TMEM245: variants seen among roughly 807,000 people sequenced by gnomAD.
TMEM245 encodes protein CG-2.
Under a neutral mutation model 101.2 loss-of-function variants are expected in TMEM245, and 69 were observed. The observed-to-expected ratio is 0.68, with a 90% CI of 0.56 to 0.83. The LOEUF (loss-of-function observed/expected upper bound fraction) is 0.83. Ranked by LOEUF, TMEM245 falls within the 40% of genes least tolerant of loss-of-function variation. The pLI, the probability that TMEM245 is intolerant of heterozygous loss-of-function variation, is 0.00. For synonymous variants in TMEM245, 537 were observed against 449.8 expected (o/e 1.19, Z -2.45); for missense variants, 1,075 against 1,092.8 (o/e 0.98, Z 0.23).
chr9:109,093,488 G>A lies in TMEM245; in HGVS notation c.903C>T (p.Ser301=). ...GYESSSEDQP[S]TQPAEAVDRG... ...AACATCAGTCACCTGCAGGCTGAGT[G>A]GAGGGCTGGTCTTCACTGCTTGATT... The change falls in exon 4 of 18, where the codon TCC becomes TCT. Residue 301 remains serine, a synonymous_variant. Transcript: ENST00000374586. The A allele has an allele frequency of 6.2e-7, 1 of 1,613,310 alleles. No homozygotes were observed. Among genetic ancestry groups the A allele is most frequent in the Non-Finnish European group, 8.5e-7 (1 of 1,179,716 alleles).
At chr9:109,063,353 C>A (rs564463402) in intron 10 of TMEM245, among the ~76,000 whole-genome samples, 1 of 152,160 alleles carries the variant, frequency 6.6e-6, no homozygotes, top group African/African-American at 2.4e-5. Context: ...CTCTTGACCC[C>A]ATGATCCGCC....
intron 3 of TMEM245, among the ~76,000 whole-genome samples, chr9:109,102,478 C>T (rs1373718440): frequency 2.0e-5 from 3 of 152,172 alleles, no homozygotes; most frequent in East Asian, 3.9e-4. Flanking sequence ...GTACCACAAA[C>T]AGCCTCATGA....
intron 3 of TMEM245, among the ~76,000 whole-genome samples, chr9:109,105,911 T>C (rs934651823): frequency 1.1e-4 from 16 of 152,212 alleles, no homozygotes; most frequent in Admixed American, 1.0e-3. Context: ...TAGCAGGGAC[T>C]ACAGGCACAT....
At chr9:109,091,177 C>T (rs763001715) in intron 4 of TMEM245, 22 bp from the exon 5 acceptor site, 4 of 1,594,174 alleles carry the variant, frequency 2.5e-6, no homozygotes, top group Non-Finnish European at 3.4e-6. Flanking sequence ...AAGAAAAACA[C>T]CACACACCGC....
chr9:109,113,082 GC>G (rs1830612802), intron 1 of TMEM245, among the ~76,000 whole-genome samples: 2 of 152,262 alleles, frequency 1.3e-5, no homozygotes, highest in African/African-American at 4.8e-5. Flanking sequence ...TCTCAGCGGG[GC>G]CAGGGGCAGG....
intron 9 of TMEM245, among the ~76,000 whole-genome samples, chr9:109,072,926 C>T (rs1171603868): frequency 1.3e-5 from 2 of 152,192 alleles, no homozygotes; most frequent in Admixed American, 1.3e-4. Flanking sequence ...AACTTTCCTT[C>T]AGTTGATCAG....
At chr9:109,060,621 G>A (rs1294484060) in intron 10 of TMEM245, among the ~76,000 whole-genome samples, 169 bp from the exon 11 acceptor site, 5 of 152,160 alleles carry the variant, frequency 3.3e-5, no homozygotes. Context: ...AGTATTCCCA[G>A]TAAATTTCCT....
intron 14 of TMEM245, among the ~76,000 whole-genome samples, chr9:109,041,789 C>T (rs1278883155): frequency 6.6e-6 from 1 of 152,018 alleles, no homozygotes; most frequent in Non-Finnish European, 1.5e-5. Context: ...TTAACCATTT[C>T]ACAATGTAAC....
intron 3 of TMEM245, among the ~76,000 whole-genome samples, chr9:109,105,277 G>T (rs533410170): frequency 6.6e-6 from 1 of 152,244 alleles, no homozygotes; most frequent in Admixed American, 6.5e-5. Context: ...AGTCATTACG[G>T]AAATGCAAAT....
At chr9:109,042,032 T>C (rs1828325385) in intron 14 of TMEM245, among the ~76,000 whole-genome samples, 1 of 152,132 alleles carries the variant, frequency 6.6e-6, no homozygotes, top group East Asian at 1.9e-4. Context: ...AAAGTTTTAT[T>C]TGACTTTGGG....
chr9:109,091,989 A>G (rs2132573251), intron 4 of TMEM245, among the ~76,000 whole-genome samples: 1 of 152,362 alleles, frequency 6.6e-6, no homozygotes, highest in Non-Finnish European at 1.5e-5. Flanking sequence ...ATTGTTAATT[A>G]CAAAAGTATC....
chr9:109,097,854 G>A (rs749073405), intron 3 of TMEM245, among the ~76,000 whole-genome samples: 94 of 152,344 alleles, frequency 6.2e-4, no homozygotes, highest in Non-Finnish European at 1.0e-3. Flanking sequence ...CCGGGAGGCA[G>A]AGGCTTCAGT....
At position 109,015,920 on chromosome 9, in the gene TMEM245, A is replaced by C. The variant is rs1827426392; in HGVS notation, c.*4540T>G. On this transcript the variant is annotated 3_prime_UTR_variant, in exon 18 of 18. Transcript: ENST00000374586. ...ATTAAACACAATACTGATTTTACAC[A>C]CCACAGGTGGAAAAGAATCTCTATA... is the stretch of plus-strand genomic sequence containing the variant. 6.6e-6 allele frequency: 1 copy of C among 152,630 alleles called. No homozygotes were observed. The highest frequency in any genetic ancestry group is 1.5e-5 in the Non-Finnish European group (1 of 68,044). The allele number at this position is 152,630 out of a possible 1,614,324, so 9.5% of individuals were successfully genotyped here.
At chr9:109,114,576 C>A (rs1830659684) in intron 1 of TMEM245, among the ~76,000 whole-genome samples, 1 of 152,318 alleles carries the variant, frequency 6.6e-6, no homozygotes, top group African/African-American at 2.4e-5. Context: ...TATCTTTCAG[C>A]CACTACTCTC....
At chr9:109,054,109 C>T (rs573627825) in intron 12 of TMEM245, among the ~76,000 whole-genome samples, 1 of 152,146 alleles carries the variant, frequency 6.6e-6, no homozygotes, top group South Asian at 2.1e-4. Context: ...GGTGAAAGAA[C>T]AGCTTGAGCT....
At chr9:109,083,427 C>T (rs1829728062) in intron 7 of TMEM245, among the ~76,000 whole-genome samples, 1 of 152,112 alleles carries the variant, frequency 6.6e-6, no homozygotes, top group African/African-American at 2.4e-5. Context: ...CTAAATGTCC[C>T]CAATCTTTCC....
chr9:109,078,065 T>C (rs1829564224), intron 8 of TMEM245, among the ~76,000 whole-genome samples: 1 of 152,204 alleles, frequency 6.6e-6, no homozygotes, highest in Non-Finnish European at 1.5e-5. Context: ...AGGCTATTTA[T>C]TGCCTGCTGT....
Position 109,033,313 on chromosome 9 carries a change from G to A in TMEM245, c.2588C>T (p.Pro863Leu), listed in dbSNP as rs372954204. 1 of 1,607,630 alleles carries A rather than the reference G, an allele frequency of 6.2e-7. No individual in the cohort carries two copies. Among genetic ancestry groups the A allele is most frequent in the Non-Finnish European group, 8.5e-7 (1 of 1,177,022 alleles). ...TPNQTPWPAQ[P>L]QRTFRDISED... is the part of the protein sequence containing the mutation. ...TTATTCTGCTTTAACTCACCGCTGA[G>A]GCTGAGCAGGCCATGGGGTCTGGTT... Residue 863 changes from proline to leucine, a missense_variant, in exon 17 of 18, where the codon CCT (proline) becomes CTT (leucine). Pro to Leu is a moderately conservative substitution (Grantham distance 98). Transcript: ENST00000374586.
At chr9:109,042,839 A>ATTTTTTT (rs754295748) in intron 14 of TMEM245, among the ~76,000 whole-genome samples, 23 of 115,512 alleles carry the variant, frequency 2.0e-4, no homozygotes, top group Non-Finnish European at 2.4e-4. Context: ...ATAGCTGACA[A>ATTTTTTT]TTTTTTTTTT....
Sources: allele counts gnomAD v4.1 joint callset (sites outside exome capture counted in the v4.1 genomes callset), GRCh38; gene constraint gnomAD v4.1.1; transcripts MANE v1.5; gene names NCBI Gene and HGNC (gene_info 2026-07-23, HGNC 2026-07-21).